Variants in SMARCC1 observed in about 807,000 individuals in gnomAD.
The protein encoded by SMARCC1 is SWI/SNF related BAF chromatin remodeling complex subunit C1, also known as SWI/SNF complex subunit SMARCC1.
A neutral mutation model predicts 147.4 loss-of-function variants in SMARCC1; 43 were observed. The observed-to-expected ratio is 0.29, with a 90% CI of 0.23 to 0.38. The LOEUF (loss-of-function observed/expected upper bound fraction) is 0.38. Among genes scored for constraint, SMARCC1 ranks in the 10% least tolerant of loss-of-function variants. The pLI is 1.00. For missense variants in SMARCC1, 1,119 were observed against 1,381.1 expected (o/e 0.81, Z 3.01); for synonymous variants, 495 against 484.4 (o/e 1.02, Z -0.29).
intron 2 of SMARCC1, among the ~76,000 whole-genome samples, chr3:47,747,780 G>T (rs1271764114): frequency 6.6e-6 from 1 of 152,022 alleles, no homozygotes; most frequent in African/African-American, 2.4e-5. Flanking sequence ...GCAAGGAAGT[G>T]AAACTTTGTC....
Position 47,670,574 on chromosome 3 carries a change from A to G in SMARCC1, c.1899+84T>C. 5.5e-6 allele frequency: 5 copies of G among 905,530 alleles called. No individual in the cohort carries two copies. The South Asian group carries it at 6.7e-5, about 12-fold the overall frequency. The allele number at this position is 905,530 out of a possible 1,614,324, so 56.1% of individuals were successfully genotyped here. On this transcript the variant is annotated intron_variant, in intron 19 of 27. Transcript: ENST00000254480. Reference sequence around the variant, plus strand: ...ACTCCAGCCTGGGTGACACAGCGAGACCCTGCCTCTAAATAAAACAAAACA... The same window carrying G: ...ACTCCAGCCTGGGTGACACAGCGAGGCCCTGCCTCTAAATAAAACAAAACA...
intron 5 of SMARCC1, 97 bp downstream of exon 5, chr3:47,735,937 A>G: frequency 1.7e-6 from 1 of 574,428 alleles, no homozygotes. Flanking sequence ...ATATCAAAAA[A>G]TCCAAAACAT....
chr3:47,628,613 C>G (rs1344005464), intron 24 of SMARCC1, among the ~76,000 whole-genome samples: 1 of 152,052 alleles, frequency 6.6e-6, no homozygotes, highest in African/African-American at 2.4e-5. Context: ...TCACTCTGTC[C>G]CCAGGCTGGA....
At chr3:47,715,161 C>T (rs932452739) in intron 7 of SMARCC1, among the ~76,000 whole-genome samples, 2 of 152,156 alleles carry the variant, frequency 1.3e-5, no homozygotes, top group Non-Finnish European at 2.9e-5. Flanking sequence ...TTGCTAATTT[C>T]ATTCATTCCT....
At position 47,753,202 on chromosome 3, in the gene SMARCC1, G is replaced by A. The variant is rs140639986; in HGVS notation, c.316-7209C>T. Reference sequence around the variant, plus strand: ...TAGTCGGACGTGGTGGGACACGTCTGTAGTCCCAGCTACTCAGGAGGATGA... The same window carrying A: ...TAGTCGGACGTGGTGGGACACGTCTATAGTCCCAGCTACTCAGGAGGATGA... On this transcript the variant is annotated intron_variant, in intron 2 of 27. Transcript: ENST00000254480. Among the ~76,000 whole-genome samples the A allele has an allele frequency of 1.9e-3, 287 of 151,854 alleles. 2 individuals are homozygous for A. The highest frequency in any genetic ancestry group is 2.3e-3 in the Non-Finnish European group (157 of 67,974).
intron 3 of SMARCC1, 54 bp downstream of exon 3, chr3:47,745,854 A>C: frequency 9.5e-7 from 1 of 1,049,366 alleles, no homozygotes; most frequent in Non-Finnish European, 1.4e-6. Flanking sequence ...AGGAAACAGG[A>C]CTTAAAAGTA....
intron 17 of SMARCC1, 34 bp downstream of exon 17, chr3:47,676,595 A>G: frequency 6.3e-7 from 1 of 1,583,032 alleles, no homozygotes; most frequent in East Asian, 2.2e-5. Context: ...ATTTGTTACT[A>G]TCCAGGTCTG....
chr3:47,671,397 T>C (rs2033500532), intron 18 of SMARCC1, among the ~76,000 whole-genome samples: 1 of 152,144 alleles, frequency 6.6e-6, no homozygotes, highest in Admixed American at 6.5e-5. Flanking sequence ...TTGAAGAGAC[T>C]ACTTCTTCCA....
chr3:47,765,420 TTTA>T (rs1194647397), intron 2 of SMARCC1, among the ~76,000 whole-genome samples: 1 of 152,058 alleles, frequency 6.6e-6, no homozygotes, highest in Non-Finnish European at 1.5e-5. Context: ...TAAGTCAAAA[TTTA>T]TTTTACTCAC....
intron 25 of SMARCC1, among the ~76,000 whole-genome samples, chr3:47,617,467 T>C (rs2032660582): frequency 6.6e-6 from 1 of 152,252 alleles, no homozygotes; most frequent in Non-Finnish European, 1.5e-5. Flanking sequence ...TTATGAATCT[T>C]AAGAATTTTG....
chr3:47,705,865 A>G (rs2106792667), intron 10 of SMARCC1, among the ~76,000 whole-genome samples: 1 of 152,340 alleles, frequency 6.6e-6, no homozygotes, highest in East Asian at 1.9e-4. Context: ...AAGCCAGGCA[A>G]TGTGCAAAGG....
intron 8 of SMARCC1, among the ~76,000 whole-genome samples, chr3:47,712,061 C>T (rs1051700496): frequency 1.3e-5 from 2 of 152,072 alleles, no homozygotes; most frequent in South Asian, 2.1e-4. Context: ...GGAGAAACCC[C>T]GTTTCTACTA....
chr3:47,781,635 C>G lies in SMARCC1; in HGVS notation c.163G>C (p.Val55Leu), dbSNP rs1376167432. Residue 55 changes from valine to leucine, a missense_variant, in exon 1 of 28, where the codon GTG becomes CTG. Coordinates refer to ENST00000254480, the MANE Select transcript of SMARCC1 (RefSeq NM_003074.4). ...SPETVSQLDSVRVWLGKHYKK... is the reference protein window; with the variant it reads ...SPETVSQLDSLRVWLGKHYKK... ...TAGTGCTTGCCCAGCCAGACCCGCACCGAATCCAGCTGGGACACCGTCTCC... is the reference window on the plus strand; with the variant it reads ...TAGTGCTTGCCCAGCCAGACCCGCAGCGAATCCAGCTGGGACACCGTCTCC... 2.6e-6 allele frequency: 4 copies of G among 1,555,230 alleles called. No individual in the cohort carries two copies. The highest frequency in any genetic ancestry group is 3.5e-6 in the Non-Finnish European group (4 of 1,154,968).
chr3:47,672,910 C>A (rs1182996837), intron 18 of SMARCC1, among the ~76,000 whole-genome samples: 3 of 151,990 alleles, frequency 2.0e-5, no homozygotes, highest in African/African-American at 7.3e-5. Context: ...TCCTGAGTAG[C>A]TGGAATTACA....
At chr3:47,722,826 G>A (rs2034249095) in intron 6 of SMARCC1, among the ~76,000 whole-genome samples, 1 of 152,176 alleles carries the variant, frequency 6.6e-6, no homozygotes, top group African/African-American at 2.4e-5. Context: ...AACATACCAT[G>A]CAGAGCCACT....
chr3:47,604,109 G>A (rs1208898190), intron 26 of SMARCC1: 2 of 456,632 alleles, frequency 4.4e-6, no homozygotes, highest in Admixed American at 4.7e-5. Flanking sequence ...ATGTACAGGT[G>A]CCAGCTTATA....
chr3:47,626,652 A>G (rs1299114109), intron 24 of SMARCC1, among the ~76,000 whole-genome samples: 1 of 152,192 alleles, frequency 6.6e-6, no homozygotes, highest in Non-Finnish European at 1.5e-5. Flanking sequence ...GACTTGTGGT[A>G]GATTAAAGAT....
At chr3:47,664,423 T>C (rs1275518512) in intron 19 of SMARCC1, among the ~76,000 whole-genome samples, 1 of 152,194 alleles carries the variant, frequency 6.6e-6, no homozygotes, top group Non-Finnish European at 1.5e-5. Context: ...AGTAGGCTTC[T>C]TTTTAGTAGA....
chr3:47,632,696 G>T (rs1463728361), intron 24 of SMARCC1, among the ~76,000 whole-genome samples: 1 of 152,104 alleles, frequency 6.6e-6, no homozygotes, highest in Non-Finnish European at 1.5e-5. Flanking sequence ...ACCATGCTCT[G>T]TAAGAAAAGA....
Sources: allele counts gnomAD v4.1 joint callset (sites outside exome capture counted in the v4.1 genomes callset), GRCh38; gene constraint gnomAD v4.1.1; transcripts MANE v1.5; gene names NCBI Gene and HGNC (gene_info 2026-07-23, HGNC 2026-07-21).